The following ADGRL2 variants were observed in gnomAD, a reference collection of about 807,000 sequenced individuals.
The protein encoded by ADGRL2 is calcium-independent alpha-latrotoxin receptor 2.
ADGRL2 carries 44 observed loss-of-function variants against 157.4 expected under a neutral mutation model. That is an observed-to-expected ratio of 0.28 (90% CI 0.22 to 0.36). The LOEUF is 0.36. Ranked by LOEUF, ADGRL2 falls within the 10% of genes least tolerant of loss-of-function variation. The probability of loss-of-function intolerance (pLI) is 1.00; values close to 1 mark genes in which losing one functional copy is unlikely to be tolerated. For synonymous variants in ADGRL2, 585 were observed against 624.7 expected (o/e 0.94, Z 0.95); for missense variants, 1,510 against 1,768.9 (o/e 0.85, Z 2.63).
intron 1 of ADGRL2, among the ~76,000 whole-genome samples, chr1:81,729,765 C>T (rs2084658188): frequency 6.6e-6 from 1 of 152,144 alleles, no homozygotes; most frequent in Admixed American, 6.6e-5. Flanking sequence ...ATTTAAGTTA[C>T]ACGTATGAAC....
At chr1:81,616,277 A>G (rs2081644740) in intron 3 of ADGRL2, among the ~76,000 whole-genome samples, 1 of 152,148 alleles carries the variant, frequency 6.6e-6, no homozygotes, top group African/African-American at 2.4e-5. Context: ...ACAAGGCACA[A>G]TCCCTACCTC....
chr1:81,783,700 A>G (rs1269246919), intron 2 of ADGRL2, among the ~76,000 whole-genome samples: 1 of 152,194 alleles, frequency 6.6e-6, no homozygotes, highest in African/African-American at 2.4e-5. Context: ...ATATATTTCA[A>G]AATGAGCTTA....
At chr1:81,809,821 A>G (rs779938097) in intron 1 of ADGRL2, among the ~76,000 whole-genome samples, 2 of 152,034 alleles carry the variant, frequency 1.3e-5, no homozygotes, top group African/African-American at 2.4e-5. Flanking sequence ...TGATTAAGAT[A>G]TCTCTTTTAA....
rs141495906 is a variant in ADGRL2, at chr1:81,483,827, A to T, written c.-248+38738A>T. Among the ~76,000 whole-genome samples, 8 of 152,326 alleles carry T rather than the reference A, an allele frequency of 5.3e-5. No individual in the cohort carries two copies. The East Asian group carries it at 1.5e-3, about 29-fold the overall frequency. ...GGAAATGGAAGACATATGTTTAACA[A>T]TTATAACATAAGCTCACTCGAAAGT... On this transcript the variant is annotated intron_variant, in intron 2 of 24. Transcript: ENST00000370721.
chr1:81,968,026 C>T lies in ADGRL2; in HGVS notation c.2350C>T (p.Pro784Ser). 6.2e-7 allele frequency: 1 copy of T among 1,612,094 alleles called. No individual in the cohort carries two copies. Among genetic ancestry groups the T allele is most frequent in the Non-Finnish European group, 8.5e-7 (1 of 1,178,396 alleles). ...TTTATCTTGTCATTTTATTTCCCAG[C>T]CTGACAATTATTTCAATGCAAACTG... ...PVLFTLPHID[P>S]DNYFNANCSF... is the part of the protein sequence containing the mutation. Residue 784 changes from proline (P) to serine (S), a missense_variant and splice_region_variant, in exon 14 of 24, where the codon CCT (proline) becomes TCT (serine). Physicochemically the swap from Pro to Ser is moderately conservative, Grantham distance 74 (BLOSUM62 -1). Coordinates refer to ENST00000686636, the MANE Select transcript of ADGRL2 (RefSeq NM_001366006.2).
intron 1 of ADGRL2, among the ~76,000 whole-genome samples, chr1:81,431,229 T>C (rs1158185793): frequency 6.6e-6 from 1 of 152,184 alleles, no homozygotes; most frequent in South Asian, 2.1e-4. Flanking sequence ...AGTTGGGAGC[T>C]GCTTTTTATT....
chr1:81,909,696 A>G (rs1364654630), intron 3 of ADGRL2, among the ~76,000 whole-genome samples: 2 of 151,514 alleles, frequency 1.3e-5, no homozygotes, highest in African/African-American at 2.4e-5. Flanking sequence ...ATTAGGTTCT[A>G]TTCTTTCTAG....
In ADGRL2 at chr1:81,907,072, A is replaced by C; in HGVS notation, c.129A>C (p.Glu43Asp). 4.3e-6 allele frequency: 7 copies of C among 1,614,084 alleles called. No homozygotes were observed. The highest frequency in any genetic ancestry group is 5.9e-6 in the Non-Finnish European group (7 of 1,179,990). ...TGGTGAGGCGAGAATTATCCTGTGAAGGTTATTCTATAGATCTGCGATGCC... is the reference window on the plus strand; with the variant it reads ...TGGTGAGGCGAGAATTATCCTGTGACGGTTATTCTATAGATCTGCGATGCC... ...FGLVRRELSC[E>D]GYSIDLRCPG... Residue 43 changes from glutamate (E) to aspartate (D), a missense_variant, in exon 3 of 24, where the codon GAA (glutamate) becomes GAC (aspartate). Physicochemically the swap from Glu to Asp is conservative, Grantham distance 45. Transcript: ENST00000686636.
intron 2 of ADGRL2, among the ~76,000 whole-genome samples, chr1:81,854,084 A>G (rs570019604): frequency 1.3e-5 from 2 of 152,220 alleles, no homozygotes; most frequent in Admixed American, 6.5e-5. Flanking sequence ...AAATTTTCCA[A>G]TGTAGGTTGC....
upstream of ADGRL2, among the ~76,000 whole-genome samples, chr1:81,695,652 C>T (rs1225685602): frequency 6.6e-6 from 1 of 152,012 alleles, no homozygotes; most frequent in East Asian, 1.9e-4. Context: ...GAAACCCCAT[C>T]TCTACTAAAA....
At position 81,993,137 on chromosome 1, in the gene ADGRL2, T is replaced by C. The variant is rs1664911029; in HGVS notation, c.*1992T>C. ...TTTTTTTTGGGACAGAGTGTCCCTC[T>C]GTCACCCAGGCTGGAGTGCAGTAGT... On this transcript the variant is annotated 3_prime_UTR_variant, in exon 24 of 24. Coordinates refer to ENST00000686636, the MANE Select transcript of ADGRL2 (RefSeq NM_001366006.2). Among the ~76,000 whole-genome samples the C allele has an allele frequency of 8.3e-6, 1 of 120,390 alleles. No individual in the cohort carries two copies. 79.0% of individuals were successfully genotyped at this position (120,390 alleles called of 152,430 possible). A position where few individuals can be genotyped will look rare whatever the true frequency, so the allele number is the denominator to read the frequency against.
intron 1 of ADGRL2, among the ~76,000 whole-genome samples, chr1:81,315,992 T>A (rs1465748313): frequency 6.6e-6 from 1 of 152,092 alleles, no homozygotes; most frequent in African/African-American, 2.4e-5. Flanking sequence ...AGAACTCATA[T>A]TTATTTCCTC....
intron 1 of ADGRL2, among the ~76,000 whole-genome samples, chr1:81,380,715 C>T (rs1382176357): frequency 6.6e-6 from 1 of 152,070 alleles, no homozygotes; most frequent in African/African-American, 2.4e-5. Flanking sequence ...TTATTATTTT[C>T]CATTCAGCTG....
At chr1:81,383,825 A>AG (rs1553159645) in intron 1 of ADGRL2, among the ~76,000 whole-genome samples, 1,493 of 143,966 alleles carry the variant, frequency 0.01, 32 homozygotes, top group African/African-American at 0.033. Context: ...AAAAAAAAAA[A>AG]AGAGAGCCGG....
At chr1:81,527,290 G>A (rs192190271) in intron 2 of ADGRL2, among the ~76,000 whole-genome samples, 1 of 152,250 alleles carries the variant, frequency 6.6e-6, no homozygotes, top group African/African-American at 2.4e-5. Flanking sequence ...TGTAGTCTGA[G>A]TTTAACCCCC....
Position 81,845,698 on chromosome 1 carries a change from A to G in ADGRL2, c.73+8641A>G, listed in dbSNP as rs145788971. 3.9e-3 allele frequency among the ~76,000 whole-genome samples: 594 copies of G among 150,834 alleles called. 4 individuals carry two copies. The highest frequency in any genetic ancestry group is 0.013 in the African/African-American group (538 of 41,252). On this transcript the variant is annotated intron_variant, in intron 2 of 23. Coordinates refer to ENST00000686636, the MANE Select transcript of ADGRL2 (RefSeq NM_001366006.2). ...TACTTTTCTTATTTTTTTTTTTACA[A>G]TTTATTGATAATCCCCTTTTTTCAT...
intron 2 of ADGRL2, among the ~76,000 whole-genome samples, chr1:81,472,220 C>T (rs1418675292): frequency 6.6e-6 from 1 of 152,030 alleles, no homozygotes; most frequent in Non-Finnish European, 1.5e-5. Context: ...ATTTTTTTCC[C>T]CCAGTTCCAG....
At chr1:81,414,377 C>A (rs2076998781) in intron 1 of ADGRL2, 1 of 152,224 alleles carries the variant, frequency 6.6e-6, no homozygotes, top group Non-Finnish European at 1.5e-5. Flanking sequence ...TTTTTCCATT[C>A]TAGTAAATGA....
At position 81,985,130 on chromosome 1, in the gene ADGRL2, C is replaced by A. The variant is rs76729407; in HGVS notation, c.3412-129C>A. ...ATTGTTAGTTTTAGACCAGAAAAAACACACATTCTTTAAAAGGCCACCAGA... is the reference window on the plus strand; with the variant it reads ...ATTGTTAGTTTTAGACCAGAAAAAAAACACATTCTTTAAAAGGCCACCAGA... On this transcript the variant is annotated intron_variant, in intron 20 of 23. Coordinates refer to ENST00000686636, the MANE Select transcript of ADGRL2 (RefSeq NM_001366006.2). 4,309 of 506,272 alleles carry A rather than the reference C, an allele frequency of 8.5e-3. 140 individuals carry two copies. The highest frequency in any genetic ancestry group is 0.083 in the East Asian group (2,608 of 31,488). 31.4% of individuals were successfully genotyped at this position (506,272 alleles called of 1,614,324 possible).
Sources: gnomAD v4.1 joint callset for allele counts (sites outside exome capture counted in the v4.1 genomes callset) on GRCh38, gnomAD v4.1.1 for gene constraint, MANE v1.5 for transcripts, NCBI Gene and HGNC (gene_info 2026-07-23, HGNC 2026-07-21) for gene names.